The following SCFD2 variants were observed in gnomAD, a reference collection of about 807,000 sequenced individuals.
SCFD2 encodes the protein sec1 family domain-containing protein 2.
A neutral mutation model predicts 58.9 loss-of-function variants in SCFD2; 54 were observed. The observed-to-expected ratio is 0.92, with a 90% CI of 0.74 to 1.15. The LOEUF is 1.15. Ranked by LOEUF, SCFD2 falls within the 50% of genes most tolerant of loss-of-function variation. The pLI, the probability that SCFD2 is intolerant of heterozygous loss-of-function variation, is 0.00. For synonymous variants in SCFD2, 321 were observed against 335.9 expected, an observed-to-expected ratio of 0.96 and a Z score of 0.49; for missense variants, 805 against 836.6, an observed-to-expected ratio of 0.96 and a Z score of 0.47.
rs374682456 is a variant in SCFD2 at position 53,089,368 on chromosome 4, C to CAA, written c.1561+55963_1561+55964dup. 3.1e-3 allele frequency among the ~76,000 whole-genome samples: 469 copies of CAA among 152,148 alleles called. 1 individual carries two copies. The highest frequency in any genetic ancestry group is 0.01 in the African/African-American group (435 of 41,506). ...GCTTTATTGCTAGTGTCCTTTGAAG[C>CAA]AAAAAGTTTCTAATTTTGATGAAGT... On this transcript the variant is annotated intron_variant, in intron 5 of 8. Coordinates refer to ENST00000401642, the MANE Select transcript of SCFD2 (RefSeq NM_152540.4).
At chr4:52,998,580 G>A (rs1721796139) in intron 5 of SCFD2, among the ~76,000 whole-genome samples, 1 of 152,106 alleles carries the variant, frequency 6.6e-6, no homozygotes. Flanking sequence ...AGCCCCTTTA[G>A]CCCCAGCTGG....
chr4:52,988,987 T>A (rs988194408), intron 5 of SCFD2, among the ~76,000 whole-genome samples: 8 of 152,240 alleles, frequency 5.3e-5, no homozygotes, highest in African/African-American at 1.7e-4. Flanking sequence ...ATATATTTTA[T>A]CCCTAATAGT....
intron 4 of SCFD2, among the ~76,000 whole-genome samples, chr4:53,173,044 A>G (rs1418251619): frequency 2.6e-5 from 4 of 152,170 alleles, no homozygotes; most frequent in African/African-American, 9.6e-5. Flanking sequence ...TAGGTACAAT[A>G]TATTTATAAC....
chr4:53,195,121 A>G (rs2412396), intron 4 of SCFD2, among the ~76,000 whole-genome samples: 148,712 of 152,222 alleles, frequency 0.98, 72,747 homozygotes, highest in Middle Eastern at 1. Flanking sequence ...CACGGCCAGT[A>G]GTGTGACTTG....
intron 5 of SCFD2, among the ~76,000 whole-genome samples, chr4:53,093,459 T>G (rs13123263): frequency 0.21 from 31,614 of 152,064 alleles, 3,647 homozygotes; most frequent in Non-Finnish European, 0.27. Flanking sequence ...TATATATAAC[T>G]TTTGATCCAG....
chr4:53,220,361 G>T (rs1245134270), intron 4 of SCFD2, among the ~76,000 whole-genome samples: 1 of 152,102 alleles, frequency 6.6e-6, no homozygotes, highest in Non-Finnish European at 1.5e-5. Context: ...TTTACTGTCT[G>T]TTTTCTTAAC....
At chr4:53,009,819 T>G (rs1396104157) in intron 5 of SCFD2, among the ~76,000 whole-genome samples, 2 of 152,166 alleles carry the variant, frequency 1.3e-5, no homozygotes, top group African/African-American at 2.4e-5. Context: ...GAAGCTATCT[T>G]TCTGGAGGAA....
At chr4:53,308,729 T>C (rs1732593537) in intron 3 of SCFD2, among the ~76,000 whole-genome samples, 2 of 152,356 alleles carry the variant, frequency 1.3e-5, no homozygotes, top group South Asian at 4.1e-4. Flanking sequence ...TATTTTGATG[T>C]ATTGCTGTTT....
chr4:52,887,807 A>G (rs1023166918), intron 7 of SCFD2, among the ~76,000 whole-genome samples: 8 of 151,590 alleles, frequency 5.3e-5, no homozygotes, highest in African/African-American at 1.9e-4. Context: ...GTCAAGAGGA[A>G]GCCCTTTCTC....
chr4:53,228,834 C>T (rs561077611), intron 4 of SCFD2, among the ~76,000 whole-genome samples: 100 of 152,226 alleles, frequency 6.6e-4, no homozygotes, highest in African/African-American at 2.3e-3. Flanking sequence ...TCAAATTGTC[C>T]CTGTTTGCAG....
intron 5 of SCFD2, among the ~76,000 whole-genome samples, chr4:53,089,357 G>A (rs1384572125): frequency 6.6e-6 from 1 of 151,954 alleles, no homozygotes; most frequent in Non-Finnish European, 1.5e-5. Context: ...TATTGCTAGT[G>A]TCCTTTGAAG....
chr4:52,885,867 C>G lies in SCFD2; in HGVS notation c.1843-1G>C. On this transcript the variant is annotated splice_acceptor_variant, in intron 7 of 8. Coordinates refer to ENST00000401642, the MANE Select transcript of SCFD2 (RefSeq NM_152540.4). LOFTEE classifies it high-confidence loss of function. The stretch of plus-strand genomic sequence containing the variant: ...AGTCACTAGGATGAGGCCGGCTCAC[C>G]TGCAAAACAAAACACCAGCAATATC... The G allele has an allele frequency of 3.7e-6, 6 of 1,613,976 alleles. No homozygotes were observed. Among genetic ancestry groups the G allele is most frequent in the Non-Finnish European group, 5.1e-6 (6 of 1,179,884 alleles).
intron 5 of SCFD2, among the ~76,000 whole-genome samples, chr4:53,065,918 AAAATACC>A (rs768426190): frequency 5.3e-5 from 8 of 152,112 alleles, no homozygotes; most frequent in Non-Finnish European, 7.4e-5. Flanking sequence ...CCCTTAAATA[AAAATACC>A]ACATGCTTTT....
chr4:53,214,238 T>G (rs977770483), intron 4 of SCFD2, among the ~76,000 whole-genome samples: 11 of 152,116 alleles, frequency 7.2e-5, no homozygotes, highest in Admixed American at 7.2e-4. Flanking sequence ...CACACTGACT[T>G]CCACAATGGT....
intron 2 of SCFD2, among the ~76,000 whole-genome samples, chr4:53,327,509 G>A (rs1310393042): frequency 1.3e-5 from 2 of 152,210 alleles, no homozygotes; most frequent in African/African-American, 2.4e-5. Context: ...GGACTCCAGT[G>A]CAGAAGCAGG....
intron 4 of SCFD2, among the ~76,000 whole-genome samples, chr4:53,268,516 G>A (rs1227700766): frequency 1.3e-5 from 2 of 152,146 alleles, no homozygotes; most frequent in Non-Finnish European, 1.5e-5. Flanking sequence ...AGGACTCTGA[G>A]CGGGGTGGTG....
chr4:53,347,213 A>G (rs1734083529), intron 2 of SCFD2, among the ~76,000 whole-genome samples: 1 of 152,214 alleles, frequency 6.6e-6, no homozygotes, highest in Non-Finnish European at 1.5e-5. Flanking sequence ...ACAGTGTTCA[A>G]AACATTCCAC....
intron 4 of SCFD2, among the ~76,000 whole-genome samples, chr4:53,181,386 C>T (rs1173869834): frequency 6.6e-6 from 1 of 152,192 alleles, no homozygotes; most frequent in African/African-American, 2.4e-5. Flanking sequence ...AACATATAAA[C>T]AGAACCAAAG....
intron 5 of SCFD2, among the ~76,000 whole-genome samples, chr4:53,118,460 T>A (rs555861924): frequency 1.5e-4 from 23 of 152,122 alleles, no homozygotes; most frequent in Non-Finnish European, 3.1e-4. Context: ...GAGAGATAAA[T>A]CAAATATTTG....
Sources: gnomAD v4.1 joint callset for allele counts (sites outside exome capture counted in the v4.1 genomes callset) on GRCh38, gnomAD v4.1.1 for gene constraint, MANE v1.5 for transcripts, NCBI Gene and HGNC (gene_info 2026-07-23, HGNC 2026-07-21) for gene names.